The following CTNNA2 variants were observed in gnomAD, a reference collection of about 807,000 sequenced individuals.
CTNNA2 encodes the protein catenin alpha-2.
A neutral mutation model predicts 101.0 loss-of-function variants in CTNNA2; 42 were observed. The observed-to-expected ratio is 0.42, with a 90% CI of 0.32 to 0.54. The LOEUF is 0.54. Among genes scored for constraint, CTNNA2 ranks in the 20% least tolerant of loss-of-function variants. The pLI, the probability that CTNNA2 is intolerant of heterozygous loss-of-function variation, is 0.14. For synonymous variants in CTNNA2, 450 were observed against 456.4 expected, an observed-to-expected ratio of 0.99 and a Z score of 0.18; for missense variants, 871 against 1,223.1, an observed-to-expected ratio of 0.71 and a Z score of 4.29.
chr2:79,853,861 T>G (rs1680921869), intron 3 of CTNNA2, among the ~76,000 whole-genome samples: 1 of 152,002 alleles, frequency 6.6e-6, no homozygotes, highest in South Asian at 2.1e-4. Context: ...AGAGATGGGA[T>G]TTCTCCATGT....
intron 6 of CTNNA2, among the ~76,000 whole-genome samples, chr2:79,881,585 T>C (rs908893469): frequency 1.3e-5 from 2 of 152,122 alleles, no homozygotes; most frequent in Non-Finnish European, 2.9e-5. Context: ...TCATTTTTGA[T>C]CTTGTAGGTT....
chr2:80,629,172 T>G (rs1672012001), intron 18 of CTNNA2, among the ~76,000 whole-genome samples: 1 of 152,066 alleles, frequency 6.6e-6, no homozygotes, highest in Non-Finnish European at 1.5e-5. Flanking sequence ...TGGATAATAT[T>G]GGTGCCCTCC....
At chr2:80,445,540 A>T (rs920290436) in intron 9 of CTNNA2, among the ~76,000 whole-genome samples, 4 of 152,168 alleles carry the variant, frequency 2.6e-5, no homozygotes, top group African/African-American at 9.7e-5. Context: ...TATGGTTCTC[A>T]AACTTTCCTG....
intron 7 of CTNNA2, among the ~76,000 whole-genome samples, chr2:79,983,349 G>A (rs1312090490): frequency 1.3e-5 from 2 of 151,826 alleles, no homozygotes; most frequent in Admixed American, 1.3e-4. Flanking sequence ...CCAAATGGAG[G>A]AGACACACAA....
intron 4 of CTNNA2, among the ~76,000 whole-genome samples, chr2:79,465,045 T>C (rs1032542695): frequency 1.3e-5 from 2 of 152,216 alleles, no homozygotes; most frequent in African/African-American, 4.8e-5. Flanking sequence ...GTTTTGGACA[T>C]GAAGTCCTTG....
intron 8 of CTNNA2, among the ~76,000 whole-genome samples, chr2:80,415,359 C>G (rs559721881): frequency 6.6e-6 from 1 of 152,160 alleles, no homozygotes. Context: ...TTTGTACACT[C>G]CTGGCCTCAG....
chr2:79,250,479 T>G (rs1572998959), intron 2 of CTNNA2, among the ~76,000 whole-genome samples: 1 of 152,068 alleles, frequency 6.6e-6, no homozygotes, highest in East Asian at 1.9e-4. Flanking sequence ...ATAATATAAA[T>G]ATTTTAAGTT....
chr2:79,254,156 C>T (rs1674809489), intron 2 of CTNNA2, among the ~76,000 whole-genome samples: 1 of 152,172 alleles, frequency 6.6e-6, no homozygotes, highest in Non-Finnish European at 1.5e-5. Flanking sequence ...CTATTGGATC[C>T]TATTACCCTC....
At chr2:79,476,414 G>A (rs935301874) in intron 4 of CTNNA2, among the ~76,000 whole-genome samples, 1 of 152,198 alleles carries the variant, frequency 6.6e-6, no homozygotes, top group African/African-American at 2.4e-5. Flanking sequence ...TTTCATCGGG[G>A]CACTTCTAAG....
intron 1 of CTNNA2, among the ~76,000 whole-genome samples, chr2:79,602,555 C>G (rs1034504273): frequency 3.3e-5 from 5 of 151,986 alleles, no homozygotes; most frequent in African/African-American, 4.8e-5. Context: ...GAATTAGAAG[C>G]AAAAAGTCAA....
intron 7 of CTNNA2, among the ~76,000 whole-genome samples, chr2:80,380,676 C>A (rs1676438640): frequency 6.6e-6 from 1 of 152,160 alleles, no homozygotes; most frequent in Admixed American, 6.5e-5. Context: ...AGCTGGCCTG[C>A]AGAGATTACA....
At chr2:80,111,901 T>C (rs943537011) in intron 7 of CTNNA2, among the ~76,000 whole-genome samples, 6 of 152,204 alleles carry the variant, frequency 3.9e-5, no homozygotes, top group Non-Finnish European at 7.3e-5. Flanking sequence ...TGGCTAATAA[T>C]AATATTTAGC....
At chr2:80,338,146 G>A (rs1379664203) in intron 7 of CTNNA2, among the ~76,000 whole-genome samples, 8 of 151,816 alleles carry the variant, frequency 5.3e-5, no homozygotes, top group African/African-American at 1.2e-4. Flanking sequence ...GTGCCACCAC[G>A]CCCGGCTAAT....
chr2:80,294,606 A>T (rs4309597), intron 7 of CTNNA2, among the ~76,000 whole-genome samples: 1 of 151,892 alleles, frequency 6.6e-6, no homozygotes, highest in African/African-American at 2.4e-5. Flanking sequence ...TCTCAGCCTT[A>T]GCTGAACTAT....
At chr2:79,602,917 A>G (rs150552814) in intron 1 of CTNNA2, among the ~76,000 whole-genome samples, 2,261 of 152,320 alleles carry the variant, frequency 0.015, 21 homozygotes, top group Middle Eastern at 0.044. Flanking sequence ...GTGTTTCAGT[A>G]AAAAGAGGAA....
At chr2:80,044,676 T>C (rs1222601147) in intron 7 of CTNNA2, among the ~76,000 whole-genome samples, 1 of 152,126 alleles carries the variant, frequency 6.6e-6, no homozygotes, top group Non-Finnish European at 1.5e-5. Flanking sequence ...TTATGGAACT[T>C]ACAGCACTGG....
intron 2 of CTNNA2, among the ~76,000 whole-genome samples, chr2:79,677,290 C>T (rs2104618411): frequency 6.6e-6 from 1 of 152,218 alleles, no homozygotes; most frequent in Admixed American, 6.5e-5. Context: ...CTACGGAGTC[C>T]TGTGAGGAGG....
chr2:80,638,136 C>G (rs978211065), intron 18 of CTNNA2, among the ~76,000 whole-genome samples: 6 of 152,186 alleles, frequency 3.9e-5, no homozygotes, highest in African/African-American at 1.4e-4. Context: ...GGTAGTGATG[C>G]TCTGCTAGCT....
chr2:79,414,469 A>G (rs1300435198), intron 4 of CTNNA2, among the ~76,000 whole-genome samples: 1 of 152,052 alleles, frequency 6.6e-6, no homozygotes, highest in Non-Finnish European at 1.5e-5. Flanking sequence ...AATATATACT[A>G]TATCCCCCAT....
Sources: gnomAD v4.1 joint callset for allele counts (sites outside exome capture counted in the v4.1 genomes callset) on GRCh38, gnomAD v4.1.1 for gene constraint, MANE v1.5 for transcripts, NCBI Gene and HGNC (gene_info 2026-07-23, HGNC 2026-07-21) for gene names.